The following CLTB variants were observed in gnomAD, a reference collection of about 807,000 sequenced individuals.
CLTB encodes the protein clathrin, light chain (Lcb).
A neutral mutation model predicts 30.5 loss-of-function variants in CLTB; 10 were observed. The observed-to-expected ratio is 0.33, with a 90% CI of 0.20 to 0.56. CLTB has a LOEUF of 0.56. Ranked by LOEUF, CLTB falls within the 20% of genes least tolerant of loss-of-function variation. CLTB has a pLI of 0.91. For missense variants in CLTB, 261 were observed against 308.3 expected (o/e 0.85, Z 1.15); for synonymous variants, 102 against 120.3 (o/e 0.85, Z 1.00).
intron 2 of CLTB, among the ~76,000 whole-genome samples, chr5:176,404,612 C>A (rs1757011310): frequency 6.6e-6 from 1 of 152,222 alleles, no homozygotes; most frequent in African/African-American, 2.4e-5. Context: ...CGGTGTCCTG[C>A]CCCAGTCCCA....
intron 2 of CLTB, among the ~76,000 whole-genome samples, chr5:176,398,576 G>A (rs574102733): frequency 9.9e-5 from 15 of 152,018 alleles, no homozygotes; most frequent in African/African-American, 3.4e-4. Flanking sequence ...GCCAGGCGTG[G>A]TGGTGCATGC....
At chr5:176,413,879 G>A (rs1757568402) in intron 1 of CLTB, among the ~76,000 whole-genome samples, 1 of 152,210 alleles carries the variant, frequency 6.6e-6, no homozygotes, top group South Asian at 2.1e-4. Flanking sequence ...GCGCCTGGGA[G>A]ACCCTCAGAA....
intron 2 of CLTB, chr5:176,406,701 T>C: frequency 7.8e-7 from 1 of 1,285,930 alleles, no homozygotes. Flanking sequence ...CCGCTGGTGG[T>C]GCACGGGCTG....
chr5:176,406,915 C>A (rs1018694440), intron 2 of CLTB, among the ~76,000 whole-genome samples: 2 of 152,174 alleles, frequency 1.3e-5, no homozygotes, highest in African/African-American at 4.8e-5. Context: ...CAAAGCACAC[C>A]GGGTCGGAGC....
intron 2 of CLTB, chr5:176,406,652 G>A (rs1204967079): frequency 3.1e-6 from 4 of 1,289,234 alleles, no homozygotes; most frequent in African/African-American, 3.0e-5. Context: ...GGGCAGGCTC[G>A]TCCTTAGGCT....
chr5:176,408,882 G>A (rs959755206), intron 2 of CLTB, among the ~76,000 whole-genome samples: 7 of 152,246 alleles, frequency 4.6e-5, no homozygotes, highest in Admixed American at 2.0e-4. Flanking sequence ...CCCAGTGAAA[G>A]TGAATGCCCC....
chr5:176,410,056 A>C (rs1757349616), intron 2 of CLTB, among the ~76,000 whole-genome samples: 1 of 152,118 alleles, frequency 6.6e-6, no homozygotes. Context: ...ATCAATCTCG[A>C]TCTCTAGTGG....
chr5:176,402,813 G>A (rs552658113), intron 2 of CLTB, among the ~76,000 whole-genome samples: 1 of 152,340 alleles, frequency 6.6e-6, no homozygotes, highest in South Asian at 2.1e-4. Flanking sequence ...GATAAAGAGA[G>A]TGGGGAAGGG....
rs1291226132 is a variant in CLTB, at chr5:176,416,340, G to T, written c.24C>A (p.Phe8Leu). 1.2e-6 allele frequency: 2 copies of T among 1,601,200 alleles called. No individual in the cohort carries two copies. Residue 8 changes from phenylalanine (F) to leucine (L), a missense_variant, in exon 1 of 6, where the codon TTC becomes TTA. By Grantham distance (22) the Phe-to-Leu change is conservative. This residue lies in a region of CLTB where 113 missense variants were observed against 102.5 expected (regional missense o/e 1.10). Coordinates refer to ENST00000310418, the MANE Select transcript of CLTB (RefSeq NM_007097.5). MADDFGFFSSSESGAPEA... is the reference protein window; with the variant it reads MADDFGFLSSSESGAPEA... ...CCGGGGCACCGCTCTCCGACGACGAGAAGAAGCCAAAGTCATCAGCCATTT... is the reference window on the plus strand; with the variant it reads ...CCGGGGCACCGCTCTCCGACGACGATAAGAAGCCAAAGTCATCAGCCATTT...
chr5:176,402,439 C>A (rs1756870292), intron 2 of CLTB, among the ~76,000 whole-genome samples: 1 of 152,260 alleles, frequency 6.6e-6, no homozygotes, highest in African/African-American at 2.4e-5. Flanking sequence ...GGCCTTCATG[C>A]AAGCTCATCT....
chr5:176,408,937 A>G (rs1448527903), intron 2 of CLTB, among the ~76,000 whole-genome samples: 1 of 151,862 alleles, frequency 6.6e-6, no homozygotes, highest in African/African-American at 2.4e-5. Flanking sequence ...AACCATTGTT[A>G]ACAGCTGGTA....
At chr5:176,412,761 T>C (rs1757508550) in intron 1 of CLTB, among the ~76,000 whole-genome samples, 1 of 152,176 alleles carries the variant, frequency 6.6e-6, no homozygotes, top group African/African-American at 2.4e-5. Flanking sequence ...CTCCCATTCC[T>C]TCAGATAAGG....
At chr5:176,413,910 C>T (rs924319493) in intron 1 of CLTB, among the ~76,000 whole-genome samples, 1 of 152,192 alleles carries the variant, frequency 6.6e-6, no homozygotes, top group Admixed American at 6.5e-5. Context: ...CCGGCACCTC[C>T]CTGGAAGAAG....
Position 176,393,016 on chromosome 5 carries a change from C to T in CLTB, c.519-71G>A. ...CCAGCCTTGCCCTTGAGCAAGGCTGCTTTGCCCAGCCTACTCTGGGGCACT... is the reference window on the plus strand; with the variant it reads ...CCAGCCTTGCCCTTGAGCAAGGCTGTTTTGCCCAGCCTACTCTGGGGCACT... On this transcript the variant is annotated intron_variant, in intron 5 of 5. Coordinates refer to ENST00000310418, the MANE Select transcript of CLTB (RefSeq NM_007097.5). This position sits in a 1 kb window ranked among gnomAD's most constrained non-coding sequence, Gnocchi z 4.4. 6.5e-7 allele frequency: 1 copy of T among 1,545,416 alleles called. No homozygotes were observed. The highest frequency in any genetic ancestry group is 8.9e-7 in the Non-Finnish European group (1 of 1,121,234).
Position 176,392,979 on chromosome 5 carries a change from G to A in CLTB, c.519-34C>T. Reference sequence around the variant, plus strand: ...GGAGATAGGACGGGCTTTTATAGCAGTCTGCTTTCCCCCAGCCTTGCCCTT... The same window carrying A: ...GGAGATAGGACGGGCTTTTATAGCAATCTGCTTTCCCCCAGCCTTGCCCTT... On this transcript the variant is annotated intron_variant, in intron 5 of 5. Coordinates refer to ENST00000310418, the MANE Select transcript of CLTB (RefSeq NM_007097.5). This position sits in a 1 kb window ranked among gnomAD's most constrained non-coding sequence, Gnocchi z 5.2. 1 of 1,612,900 alleles carries A rather than the reference G, an allele frequency of 6.2e-7. No homozygotes were observed. Among genetic ancestry groups the A allele is most frequent in the South Asian group, 1.1e-5 (1 of 91,062 alleles).
chr5:176,397,388 T>C (rs1581426099), intron 4 of CLTB, among the ~76,000 whole-genome samples: 4 of 56,680 alleles, frequency 7.1e-5, no homozygotes, highest in Admixed American at 2.4e-4. Context: ...TCCCCACAGC[T>C]CCCTCTCATG....
At chr5:176,403,530 C>T (rs749101577) in intron 2 of CLTB, among the ~76,000 whole-genome samples, 9 of 152,078 alleles carry the variant, frequency 5.9e-5, no homozygotes, top group Non-Finnish European at 1.0e-4. Context: ...TCTCGGCCCA[C>T]TGCAACCTCC....
intron 1 of CLTB, 116 bp from the exon 2 acceptor site, chr5:176,410,419 C>A: frequency 4.1e-6 from 3 of 726,936 alleles, no homozygotes; most frequent in Non-Finnish European, 4.7e-6. Flanking sequence ...TATATCGACC[C>A]ACATGCAAAC....
chr5:176,415,995 G>A (rs1041194658), intron 1 of CLTB, among the ~76,000 whole-genome samples, 182 bp downstream of exon 1: 4 of 152,220 alleles, frequency 2.6e-5, no homozygotes, highest in Non-Finnish European at 4.4e-5. Context: ...ACAGCCCCAG[G>A]CGAGGCCTCA....
Sources: allele counts gnomAD v4.1 joint callset (sites outside exome capture counted in the v4.1 genomes callset), GRCh38; gene constraint gnomAD v4.1.1; regional missense constraint gnomAD v4.1.1; non-coding constraint Gnocchi (gnomAD v3.1); transcripts MANE v1.5; gene names NCBI Gene and HGNC (gene_info 2026-07-23, HGNC 2026-07-21).